SP140: variants seen among roughly 807,000 people sequenced by gnomAD.
SP140 encodes nuclear body protein SP140.
A neutral mutation model predicts 125.0 loss-of-function variants in SP140; 81 were observed. That is an observed-to-expected ratio of 0.65 (90% CI 0.54 to 0.78). The LOEUF is 0.78. Among genes scored for constraint, SP140 ranks in the 30% least tolerant of loss-of-function variants. The pLI, the probability that SP140 is intolerant of heterozygous loss-of-function variation, is 0.00. For synonymous variants in SP140, 312 were observed against 354.0 expected (o/e 0.88, Z 1.33); for missense variants, 858 against 1,037.0 (o/e 0.83, Z 2.37).
At chr2:230,271,826 A>G (rs1019468886) in intron 15 of SP140, among the ~76,000 whole-genome samples, 2 of 152,222 alleles carry the variant, frequency 1.3e-5, no homozygotes, top group East Asian at 3.9e-4. Flanking sequence ...GGTAGAAACA[A>G]CAAAGACTTT....
chr2:230,226,500 G>C (rs1252095201), intron 1 of SP140, among the ~76,000 whole-genome samples: 1 of 152,050 alleles, frequency 6.6e-6, no homozygotes, highest in Non-Finnish European at 1.5e-5. Context: ...TTCTGTTCTG[G>C]TATTTTTTAC....
chr2:230,311,088 G>A, intron 24 of SP140, 66 bp from the exon 25 acceptor site: 1 of 1,610,590 alleles, frequency 6.2e-7, no homozygotes, highest in Non-Finnish European at 8.5e-7. Context: ...GTTCTGTGCT[G>A]TGTCTCATGC....
At position 230,255,389 on chromosome 2, in the gene SP140, C is replaced by A. The variant is rs904841383; in HGVS notation, c.1160-63C>A. The A allele has an allele frequency of 3.2e-6, 5 of 1,581,180 alleles. No individual in the cohort carries two copies. The African/African-American group carries it at 6.7e-5, about 21-fold the overall frequency. ...GCTTTCCACATCTTCACTAAGTTTT[C>A]TCTTCATGATTTTTTGTTGGTTGTA... On this transcript the variant is annotated intron_variant, in intron 11 of 26. Transcript: ENST00000392045.
In SP140 at chr2:230,212,600, C is replaced by G. The variant is rs543610932; in HGVS notation, c.-322-1054C>G. On this transcript the variant is annotated intron_variant, in intron 1 of 4. Coordinates refer to the SP140 transcript ENST00000456542. ...TGGACTCTAGGTCTTACCCACCCCC[C>G]GGCAGTGCTCATAATCCCTCTTGAA... Among the ~76,000 whole-genome samples, 499 of 152,212 alleles carry G rather than the reference C, an allele frequency of 3.3e-3. 4 individuals are homozygous for G. The highest frequency in any genetic ancestry group is 2.9e-3 in the Non-Finnish European group (199 of 68,024).
intron 1 of SP140, among the ~76,000 whole-genome samples, chr2:230,210,415 T>G (rs2044340130): frequency 1.3e-5 from 2 of 152,232 alleles, no homozygotes; most frequent in Non-Finnish European, 2.9e-5. Flanking sequence ...GTGGTGATAT[T>G]GAAATCTGAT....
chr2:230,294,133 T>G, intron 20 of SP140, 138 bp from the exon 21 acceptor site: 1 of 667,908 alleles, frequency 1.5e-6, no homozygotes. Context: ...GACAGGGAGA[T>G]GGTTTCTCAT....
intron 9 of SP140, among the ~76,000 whole-genome samples, chr2:230,250,415 T>C (rs1454860199): frequency 6.6e-6 from 1 of 152,190 alleles, no homozygotes; most frequent in African/African-American, 2.4e-5. Flanking sequence ...ATCTGATCTT[T>C]CTTTTATATG....
upstream of SP140, chr2:230,202,701 T>C (rs1479866756): frequency 1.2e-6 from 2 of 1,614,080 alleles, no homozygotes; most frequent in East Asian, 2.2e-5. Context: ...GAGCTTCTTT[T>C]GGATTCCGTG....
intron 3 of SP140, 65 bp downstream of exon 3, chr2:230,238,446 A>G (rs762763366): frequency 4.9e-6 from 7 of 1,439,628 alleles, no homozygotes; most frequent in Admixed American, 4.2e-5. Context: ...TCATTCATTC[A>G]CTCTTCATTC....
At chr2:230,260,668 C>T (rs539428077) in intron 12 of SP140, among the ~76,000 whole-genome samples, 52 of 152,282 alleles carry the variant, frequency 3.4e-4, no homozygotes, top group African/African-American at 1.2e-3. Flanking sequence ...TGTGGCTTGC[C>T]AATTATCCCA....
rs764224676 is a variant in SP140 at position 230,216,790 on chromosome 2, T to C, written c.-91+2716T>C. On this transcript the variant is annotated intron_variant, in intron 3 of 4. Transcript: ENST00000456542. The stretch of plus-strand genomic sequence containing the variant: ...GTTCAACATGACTCACCATGTACAT[T>C]CTCTTAGTGATGATGGAGTTGTCTA... The C allele has an allele frequency of 2.5e-6, 4 of 1,613,934 alleles. No individual in the cohort carries two copies. In the Admixed American group the frequency reaches 6.7e-5, roughly 27 times the overall value.
intron 15 of SP140, among the ~76,000 whole-genome samples, chr2:230,275,645 C>T (rs559722719): frequency 6.6e-6 from 1 of 152,214 alleles, no homozygotes; most frequent in Non-Finnish European, 1.5e-5. Flanking sequence ...CCTACAATGG[C>T]CTCTAAGGGC....
the SP140 span, among the ~76,000 whole-genome samples, chr2:230,188,427 A>T: frequency 6.6e-6 from 1 of 152,126 alleles, no homozygotes; most frequent in Non-Finnish European, 1.5e-5. Flanking sequence ...TGATCATATA[A>T]TCAGGGAACA....
chr2:230,270,041 C>A, intron 14 of SP140, 88 bp downstream of exon 14: 1 of 826,448 alleles, frequency 1.2e-6, no homozygotes. Flanking sequence ...TCCAGTCTGT[C>A]CAGAATTCTA....
intron 19 of SP140, among the ~76,000 whole-genome samples, chr2:230,291,830 A>T (rs905846471): frequency 3.3e-5 from 5 of 152,234 alleles, no homozygotes; most frequent in Non-Finnish European, 7.3e-5. Flanking sequence ...AGGAATCACC[A>T]AAGTGTTTCC....
intron 22 of SP140, 27 bp downstream of exon 22, chr2:230,297,489 C>G (rs760269650): frequency 9.0e-5 from 145 of 1,611,094 alleles, no homozygotes; most frequent in Non-Finnish European, 1.2e-4. Flanking sequence ...AACTACGACC[C>G]CCAGAATATT....
At chr2:230,209,967 G>C in intron 1 of SP140, 1 of 1,610,150 alleles carries the variant, frequency 6.2e-7, no homozygotes, top group South Asian at 1.1e-5. Flanking sequence ...ACCTCCTGGG[G>C]CTCTTCTGGG....
chr2:230,241,390 A>G lies in SP140; in HGVS notation c.407-14A>G, dbSNP rs367745434. 7 of 1,535,122 alleles carry G rather than the reference A, an allele frequency of 4.6e-6. No individual in the cohort carries two copies. The highest frequency in any genetic ancestry group is 6.3e-6 in the Non-Finnish European group (7 of 1,108,476). ...ACTGTCTGAGTTTGGTAATTTTCAC[A>G]TTGTTTTCCTCAGTATGCTATGAAC... On this transcript the variant is annotated splice_polypyrimidine_tract_variant and intron_variant, in intron 3 of 26. Transcript: ENST00000392045.
chr2:230,215,228 AAT>A lies in SP140; in HGVS notation c.-91+1155_-91+1156del, dbSNP rs2044976463. On this transcript the variant is annotated intron_variant, in intron 3 of 4. Coordinates refer to the SP140 transcript ENST00000456542. ...AAGCTACCTTACTCTTTTAAGAAGA[AAT>A]TCAACATAAAATATATAGTCACATT... 5 of 861,510 alleles carry A rather than the reference AAT, an allele frequency of 5.8e-6. No individual in the cohort carries two copies. In the South Asian group the frequency reaches 7.6e-5, roughly 13 times the overall value. 53.4% of individuals were successfully genotyped at this position (861,510 alleles called of 1,614,324 possible).
Sources: gnomAD v4.1 joint callset for allele counts (sites outside exome capture counted in the v4.1 genomes callset) on GRCh38, gnomAD v4.1.1 for gene constraint, MANE v1.5 for transcripts, NCBI Gene and HGNC (gene_info 2026-07-23, HGNC 2026-07-21) for gene names.